The following RFX3 variants were observed in gnomAD, a reference collection of about 807,000 sequenced individuals.
The protein encoded by RFX3 is transcription factor RFX3.
A neutral mutation model predicts 98.6 loss-of-function variants in RFX3; 14 were observed. The observed-to-expected ratio is 0.14, with a 90% CI of 0.09 to 0.22. RFX3 has a LOEUF of 0.22. RFX3 is among the 10% of genes least tolerant of loss of function. The pLI, the probability that RFX3 is intolerant of heterozygous loss-of-function variation, is 1.00. For missense variants in RFX3, 639 were observed against 926.9 expected (o/e 0.69, Z 4.03); for synonymous variants, 383 against 328.4 (o/e 1.17, Z -1.80).
chr9:3,514,149 G>A (rs1244685606), intron 1 of RFX3, among the ~76,000 whole-genome samples: 5 of 152,042 alleles, frequency 3.3e-5, no homozygotes, highest in Non-Finnish European at 2.9e-5. Flanking sequence ...AAAACTACAC[G>A]AAGGTCATTC....
intron 1 of RFX3, among the ~76,000 whole-genome samples, chr9:3,505,242 A>T (rs1380769090): frequency 2.7e-5 from 2 of 73,758 alleles, no homozygotes; most frequent in South Asian, 5.1e-4. Flanking sequence ...ATATATATTT[A>T]TATATATATG....
intron 1 of RFX3, among the ~76,000 whole-genome samples, chr9:3,472,200 T>C (rs1250703245): frequency 6.6e-6 from 1 of 152,330 alleles, no homozygotes; most frequent in Admixed American, 6.5e-5. Context: ...AGGGAAGTTT[T>C]TGAAAGAAGG....
chr9:3,305,101 G>A (rs1439932028), intron 4 of RFX3, among the ~76,000 whole-genome samples: 1 of 152,020 alleles, frequency 6.6e-6, no homozygotes, highest in African/African-American at 2.4e-5. Flanking sequence ...GGGAAATCTA[G>A]GAAGAATCGA....
intron 6 of RFX3, 46 bp downstream of exon 6, chr9:3,293,031 T>C (rs773785196): frequency 3.4e-6 from 5 of 1,461,658 alleles, no homozygotes; most frequent in African/African-American, 1.4e-5. Flanking sequence ...ATTGCCCTAG[T>C]TTGAAAAAGA....
At chr9:3,511,499 A>G (rs181634148) in intron 1 of RFX3, among the ~76,000 whole-genome samples, 3 of 152,166 alleles carry the variant, frequency 2.0e-5, no homozygotes, top group Admixed American at 2.0e-4. Context: ...TTTGAGTGAT[A>G]TCATAAACTA....
chr9:3,377,179 G>C (rs1490029274), intron 2 of RFX3, among the ~76,000 whole-genome samples: 5 of 152,278 alleles, frequency 3.3e-5, no homozygotes, highest in Admixed American at 1.3e-4. Context: ...CAATAGCAAA[G>C]AGTTGGAACC....
chr9:3,335,455 C>G (rs531405643), intron 3 of RFX3, among the ~76,000 whole-genome samples: 2 of 152,086 alleles, frequency 1.3e-5, no homozygotes, highest in Non-Finnish European at 2.9e-5. Flanking sequence ...ACTGCTTGCA[C>G]ACTATTTTCT....
At chr9:3,291,825 G>T (rs1275827551) in intron 6 of RFX3, among the ~76,000 whole-genome samples, 1 of 151,644 alleles carries the variant, frequency 6.6e-6, no homozygotes, top group East Asian at 1.9e-4. Context: ...CACTTTGGGA[G>T]GCCGAGGCAG....
At chr9:3,229,031 A>G (rs1818136993) in intron 15 of RFX3, 142 bp from the exon 16 acceptor site, 5 of 592,986 alleles carry the variant, frequency 8.4e-6, no homozygotes, top group African/African-American at 1.9e-5. Context: ...TACATGGATC[A>G]CATAATTTTC....
chr9:3,420,895 G>A, intron 1 of RFX3: 1 of 984,892 alleles, frequency 1.0e-6, no homozygotes, highest in Middle Eastern at 5.2e-4. Context: ...ATATCCTTGG[G>A]TCAAATCTGA....
intron 2 of RFX3, among the ~76,000 whole-genome samples, chr9:3,381,936 G>C (rs1448293518): frequency 1.3e-5 from 2 of 152,010 alleles, no homozygotes. Context: ...TTGTTTGTTT[G>C]TTTGTTTGCT....
At chr9:3,504,888 A>AAATATG in intron 1 of RFX3, among the ~76,000 whole-genome samples, 1 of 62,206 alleles carries the variant, frequency 1.6e-5, no homozygotes, top group South Asian at 4.6e-4. Flanking sequence ...ATTATATATA[A>AAATATG]TATAACATAT....
At chr9:3,390,190 C>T (rs977942769) in intron 2 of RFX3, among the ~76,000 whole-genome samples, 6 of 152,116 alleles carry the variant, frequency 3.9e-5, no homozygotes, top group African/African-American at 1.4e-4. Context: ...TCCCACATGT[C>T]TTGGGAGCAA....
chr9:3,503,161 C>G lies in RFX3; in HGVS notation c.-9+22586G>C, dbSNP rs139228983. Among the ~76,000 whole-genome samples the G allele has an allele frequency of 5.8e-3, 890 of 152,272 alleles. 14 individuals carry two copies. The highest frequency in any genetic ancestry group is 0.021 in the African/African-American group (852 of 41,560). On this transcript the variant is annotated intron_variant, in intron 1 of 16. Transcript: ENST00000617270. Reference sequence around the variant, plus strand: ...ACCAGGTACTCGTCTTCAACAGACTCTGGCCCACAGCTTGAGAAAATGTGT... The same window carrying G: ...ACCAGGTACTCGTCTTCAACAGACTGTGGCCCACAGCTTGAGAAAATGTGT...
chr9:3,392,089 T>C (rs1587477904), intron 2 of RFX3, among the ~76,000 whole-genome samples: 1 of 152,124 alleles, frequency 6.6e-6, no homozygotes, highest in East Asian at 1.9e-4. Context: ...ATACTGAACA[T>C]CAGAGGGTTC....
At position 3,342,104 on chromosome 9, in the gene RFX3, A is replaced by C. The variant is rs146971332; in HGVS notation, c.215+4563T>G. Among the ~76,000 whole-genome samples, 25 of 152,352 alleles carry C rather than the reference A, an allele frequency of 1.6e-4. No homozygotes were observed. The East Asian group carries it at 4.4e-3, about 27-fold the overall frequency. ...AAAATGCATTAATACATGATTTTCA[A>C]GAGATGACTATAGGTATAGTACTTT... is the stretch of plus-strand genomic sequence containing the variant. On this transcript the variant is annotated intron_variant, in intron 3 of 16. Transcript: ENST00000617270.
chr9:3,240,318 T>C (rs953011473), intron 15 of RFX3, among the ~76,000 whole-genome samples: 7 of 152,192 alleles, frequency 4.6e-5, no homozygotes, highest in African/African-American at 1.7e-4. Flanking sequence ...AGGCAGCATA[T>C]CCTTTATGCA....
At chr9:3,368,259 A>G (rs1405170860) in intron 2 of RFX3, among the ~76,000 whole-genome samples, 1 of 152,232 alleles carries the variant, frequency 6.6e-6, no homozygotes, top group Non-Finnish European at 1.5e-5. Flanking sequence ...ATATATTGAA[A>G]GAAAATTTTA....
At chr9:3,336,596 A>G (rs1337591381) in intron 3 of RFX3, among the ~76,000 whole-genome samples, 2 of 152,178 alleles carry the variant, frequency 1.3e-5, no homozygotes. Flanking sequence ...AACATAGCAC[A>G]CAACACAGGA....
Sources: allele counts gnomAD v4.1 joint callset (sites outside exome capture counted in the v4.1 genomes callset), GRCh38; gene constraint gnomAD v4.1.1; transcripts MANE v1.5; gene names NCBI Gene and HGNC (gene_info 2026-07-23, HGNC 2026-07-21).